The following ZNF365 variants were observed in gnomAD, a reference collection of about 807,000 sequenced individuals.
The protein encoded by ZNF365 is zinc finger protein 365.
A neutral mutation model predicts 35.0 loss-of-function variants in ZNF365; 22 were observed. The observed-to-expected ratio is 0.63, with a 90% CI of 0.45 to 0.90. The LOEUF is 0.90. Among genes scored for constraint, ZNF365 ranks in the 40% least tolerant of loss-of-function variants. The pLI is 0.00. For missense variants in ZNF365, 448 were observed against 500.3 expected, an observed-to-expected ratio of 0.90 and a Z score of 1.00; for synonymous variants, 188 against 196.2, an observed-to-expected ratio of 0.96 and a Z score of 0.35.
At chr10:62,394,625 T>A (rs1485915489) in intron 3 of ZNF365, among the ~76,000 whole-genome samples, 1 of 152,204 alleles carries the variant, frequency 6.6e-6, no homozygotes, top group Non-Finnish European at 1.5e-5. Flanking sequence ...GCATATTATA[T>A]TTTTAGAAAT....
chr10:62,390,948 C>T (rs1196867921), intron 3 of ZNF365, among the ~76,000 whole-genome samples: 1 of 152,062 alleles, frequency 6.6e-6, no homozygotes, highest in African/African-American at 2.4e-5. Flanking sequence ...ATGGAGCTTG[C>T]CGGATTGGAA....
chr10:62,407,530 C>A (rs1360170106), intron 3 of ZNF365, among the ~76,000 whole-genome samples: 1 of 151,926 alleles, frequency 6.6e-6, no homozygotes, highest in African/African-American at 2.4e-5. Context: ...CCCTGATCCC[C>A]TTAAAAACAC....
intron 2 of ZNF365, among the ~76,000 whole-genome samples, chr10:62,380,992 G>C (rs1313056303): frequency 1.3e-5 from 2 of 152,146 alleles, no homozygotes; most frequent in South Asian, 4.1e-4. Context: ...AGGTGTGTGG[G>C]GGGGAACATA....
downstream of ZNF365, among the ~76,000 whole-genome samples, chr10:62,405,924 C>T (rs1157459736): frequency 1.3e-5 from 2 of 152,188 alleles, no homozygotes. Context: ...TTATTTTTAT[C>T]TTTAAGTGTG....
At chr10:62,443,246 G>A (rs764311609) in intron 3 of ZNF365, among the ~76,000 whole-genome samples, 5 of 152,290 alleles carry the variant, frequency 3.3e-5, no homozygotes, top group African/African-American at 9.6e-5. Context: ...GGATTTTCCT[G>A]TAATGATTGG....
chr10:62,472,126 T>G (rs1318208835), intron 4 of ZNF365, among the ~76,000 whole-genome samples: 3 of 152,332 alleles, frequency 2.0e-5, no homozygotes, highest in Non-Finnish European at 4.4e-5. Flanking sequence ...TGTCATAGAT[T>G]ACATTTACCG....
chr10:62,416,327 G>A (rs979654936), intron 3 of ZNF365, among the ~76,000 whole-genome samples: 39 of 151,992 alleles, frequency 2.6e-4, no homozygotes, highest in African/African-American at 8.2e-4. Flanking sequence ...TGGTAAAAGA[G>A]TGATTTGTAC....
intron 3 of ZNF365, among the ~76,000 whole-genome samples, chr10:62,425,409 C>T (rs1840236244): frequency 6.6e-6 from 1 of 152,024 alleles, no homozygotes; most frequent in African/African-American, 2.4e-5. Flanking sequence ...ATATGCTAGG[C>T]AAGGGATGAT....
intron 4 of ZNF365, chr10:62,459,817 G>A: frequency 1.9e-6 from 3 of 1,596,714 alleles, no homozygotes; most frequent in Non-Finnish European, 2.6e-6. Context: ...CCACCTGGGT[G>A]GGTGGGTTGG....
intron 4 of ZNF365, among the ~76,000 whole-genome samples, chr10:62,468,423 T>C (rs1840979860): frequency 6.6e-6 from 1 of 152,218 alleles, no homozygotes; most frequent in East Asian, 1.9e-4. Flanking sequence ...CTACTTGTTA[T>C]AACATGGCTG....
In ZNF365 at chr10:62,401,748, T is replaced by A; in HGVS notation, c.*1959T>A. The A allele has an allele frequency of 1.0e-6, 1 of 985,562 alleles. No individual in the cohort carries two copies. The highest frequency in any genetic ancestry group is 1.2e-6 in the Non-Finnish European group (1 of 829,928). 61.1% of individuals were successfully genotyped at this position (985,562 alleles called of 1,614,324 possible). On this transcript the variant is annotated 3_prime_UTR_variant, in exon 5 of 5. Transcript: ENST00000395254. Reference sequence around the variant, plus strand: ...CCTGTAATGTGTGTGCAATGACAACTTGTTTCTGTTTTATTTAAAGTAACT... The same window carrying A: ...CCTGTAATGTGTGTGCAATGACAACATGTTTCTGTTTTATTTAAAGTAACT...
At chr10:62,427,662 C>A (rs892615500) in intron 3 of ZNF365, among the ~76,000 whole-genome samples, 1 of 152,074 alleles carries the variant, frequency 6.6e-6, no homozygotes, top group African/African-American at 2.4e-5. Flanking sequence ...TTGGTACTTG[C>A]GTATTTGCAT....
At chr10:62,382,667 G>C (rs1445762652) in intron 2 of ZNF365, among the ~76,000 whole-genome samples, 1 of 152,188 alleles carries the variant, frequency 6.6e-6, no homozygotes, top group Non-Finnish European at 1.5e-5. Context: ...CATGCCTTAA[G>C]ACGTGCAGTT....
At chr10:62,415,897 C>G (rs1006481330) in intron 3 of ZNF365, among the ~76,000 whole-genome samples, 2 of 152,134 alleles carry the variant, frequency 1.3e-5, no homozygotes, top group Admixed American at 6.5e-5. Flanking sequence ...GAGGTTCTCT[C>G]CTGTTTAGAA....
At chr10:62,462,956 G>A (rs972041185) in intron 4 of ZNF365, among the ~76,000 whole-genome samples, 3 of 152,196 alleles carry the variant, frequency 2.0e-5, no homozygotes, top group Non-Finnish European at 4.4e-5. Context: ...GTGAGCTCAT[G>A]TCAGCAGTGG....
rs532022822 is a variant in ZNF365 at position 62,434,475 on chromosome 10, G to A, written c.925-25266G>A. Reference sequence around the variant, plus strand: ...AAATTGATACTTCCTCTTAGGAAGGGCCTGAACAATTCATTCATCCTAGAA... The same window carrying A: ...AAATTGATACTTCCTCTTAGGAAGGACCTGAACAATTCATTCATCCTAGAA... On this transcript the variant is annotated intron_variant, in intron 3 of 4. Transcript: ENST00000395255. Among the ~76,000 whole-genome samples the A allele has an allele frequency of 2.0e-5, 3 of 152,192 alleles. No homozygotes were observed. The South Asian group carries it at 6.2e-4, about 32-fold the overall frequency.
rs1839831712 is a variant in ZNF365 at position 62,401,666 on chromosome 10, C to T, written c.*1877C>T. 1.0e-6 allele frequency: 1 copy of T among 985,380 alleles called. No homozygotes were observed. The allele number at this position is 985,380 out of a possible 1,614,324, so 61.0% of individuals were successfully genotyped here. ...TATTGATGCTTATACCATGATTGCA[C>T]CTTAGCCTTTTACATACTAAAAACA... On this transcript the variant is annotated 3_prime_UTR_variant, in exon 5 of 5. Transcript: ENST00000395254.
intron 3 of ZNF365, among the ~76,000 whole-genome samples, chr10:62,441,691 T>G (rs189617816): frequency 6.6e-6 from 1 of 152,272 alleles, no homozygotes; most frequent in African/African-American, 2.4e-5. Flanking sequence ...TCTCCAACCT[T>G]ACTTTAATTG....
chr10:62,449,034 A>C (rs1169539010), intron 3 of ZNF365, among the ~76,000 whole-genome samples: 2 of 152,192 alleles, frequency 1.3e-5, no homozygotes, highest in Non-Finnish European at 2.9e-5. Context: ...AAAATGCCAA[A>C]ATGGATCCAA....
Sources: allele counts gnomAD v4.1 joint callset (sites outside exome capture counted in the v4.1 genomes callset), GRCh38; gene constraint gnomAD v4.1.1; transcripts MANE v1.5; gene names NCBI Gene and HGNC (gene_info 2026-07-23, HGNC 2026-07-21).